The following ABLIM2 variants were observed in gnomAD, a reference collection of about 807,000 sequenced individuals.
ABLIM2 encodes the protein actin-binding LIM protein 2.
ABLIM2 carries 53 observed loss-of-function variants against 97.7 expected under a neutral mutation model. The ratio of observed to expected loss-of-function variants is 0.54; its 90% CI spans 0.44 to 0.68. The LOEUF is 0.68. ABLIM2 is among the 30% of genes least tolerant of loss of function. ABLIM2 has a pLI of 0.00. For missense variants in ABLIM2, 835 were observed against 867.2 expected (o/e 0.96, Z 0.47); for synonymous variants, 361 against 345.8 (o/e 1.04, Z -0.49).
At position 8,061,130 on chromosome 4, in the gene ABLIM2, T is replaced by C. The variant is rs1802739901; in HGVS notation, c.676-76A>G. On this transcript the variant is annotated intron_variant, in intron 6 of 20. Transcript: ENST00000447017. The surrounding 1 kb of genome is among the most constrained non-coding windows in gnomAD (Gnocchi z 4.5). ...GCTGGGTCCCAGCGCCCGGCATGGA[T>C]ACAGCATGCCCTGAGCACAGGTACT... The C allele has an allele frequency of 7.9e-7, 1 of 1,267,214 alleles. No individual in the cohort carries two copies. Among genetic ancestry groups the C allele is most frequent in the African/African-American group, 1.5e-5 (1 of 67,388 alleles). 78.5% of individuals were successfully genotyped at this position (1,267,214 alleles called of 1,614,324 possible). A position where few individuals can be genotyped will look rare whatever the true frequency, so the allele number is the denominator to read the frequency against.
At chr4:8,101,288 G>C (rs1834463125) in intron 2 of ABLIM2, among the ~76,000 whole-genome samples, 1 of 152,242 alleles carries the variant, frequency 6.6e-6, no homozygotes, top group African/African-American at 2.4e-5. Flanking sequence ...CGTCATCTGA[G>C]ATTCCTCCTG....
At chr4:8,045,925 C>A (rs891675675) in intron 8 of ABLIM2, among the ~76,000 whole-genome samples, 3 of 152,096 alleles carry the variant, frequency 2.0e-5, no homozygotes, top group Admixed American at 6.5e-5. Flanking sequence ...CCCTGAAGAC[C>A]CTCTCTAGCT....
chr4:8,127,580 G>C lies in ABLIM2; in HGVS notation c.11-20943C>G. The C allele has an allele frequency of 7.8e-7, 1 of 1,289,780 alleles. No homozygotes were observed. The highest frequency in any genetic ancestry group is 1.0e-6 in the Non-Finnish European group (1 of 988,830). 79.9% of individuals were successfully genotyped at this position (1,289,780 alleles called of 1,614,324 possible). A position where few individuals can be genotyped will look rare whatever the true frequency, so the allele number is the denominator to read the frequency against. ...CCCCCTGGCACCCCCATGGAGCGTG[G>C]CTGCTTGCAAAGGGCCAGCGGGTCG... is the stretch of plus-strand genomic sequence containing the variant. On this transcript the variant is annotated intron_variant, in intron 1 of 20. Transcript: ENST00000447017. The surrounding 1 kb of genome is among the most constrained non-coding windows in gnomAD (Gnocchi z 7.3).
At position 8,130,078 on chromosome 4, in the gene ABLIM2, C is replaced by A. The variant is rs555155831; in HGVS notation, c.11-23441G>T. Among the ~76,000 whole-genome samples, 160 of 152,346 alleles carry A rather than the reference C, an allele frequency of 1.1e-3. No individual in the cohort carries two copies. The highest frequency in any genetic ancestry group is 3.5e-3 in the African/African-American group (147 of 41,590). On this transcript the variant is annotated intron_variant, in intron 1 of 20. Coordinates refer to ENST00000447017, the MANE Select transcript of ABLIM2 (RefSeq NM_001130083.2). This position sits in a 1 kb window ranked among gnomAD's most constrained non-coding sequence, Gnocchi z 4.2. Reference sequence around the variant, plus strand: ...AGCCTCAGATTCCCCTGGCCTCCAGCCTGCTGTTCACCCCTAAGCATCTAG... The same window carrying A: ...AGCCTCAGATTCCCCTGGCCTCCAGACTGCTGTTCACCCCTAAGCATCTAG...
rs960777266 is a variant in ABLIM2, at chr4:8,058,179, G to T, written c.763+2788C>A. Among the ~76,000 whole-genome samples the T allele has an allele frequency of 6.6e-6, 1 of 152,250 alleles. No homozygotes were observed. The highest frequency in any genetic ancestry group is 1.5e-5 in the Non-Finnish European group (1 of 68,026). ...TGCTCAGTGTCCACCGTGCCCCACT[G>T]TCTAAGGGTGCCCTTTACTGTGGGG... On this transcript the variant is annotated intron_variant, in intron 7 of 20. Transcript: ENST00000447017. This position sits in a 1 kb window ranked among gnomAD's most constrained non-coding sequence, Gnocchi z 4.2.
chr4:8,084,235 G>A (rs1311991307), intron 4 of ABLIM2, among the ~76,000 whole-genome samples: 2 of 152,202 alleles, frequency 1.3e-5, no homozygotes, highest in Admixed American at 6.5e-5. Flanking sequence ...AGCGCACTGC[G>A]GTCAGGACTA....
At chr4:8,040,860 G>A (rs947257636) in intron 9 of ABLIM2, among the ~76,000 whole-genome samples, 10 of 152,298 alleles carry the variant, frequency 6.6e-5, no homozygotes, top group African/African-American at 2.4e-4. Context: ...AGAATTGGGA[G>A]CACGTGTCCT....
intron 1 of ABLIM2, among the ~76,000 whole-genome samples, chr4:8,110,002 G>A (rs1327801453): frequency 6.6e-6 from 1 of 152,250 alleles, no homozygotes; most frequent in Non-Finnish European, 1.5e-5. Flanking sequence ...GGTACAGCAG[G>A]TGAAGGCTTT....
chr4:8,028,305 G>A (rs898686865), intron 11 of ABLIM2, among the ~76,000 whole-genome samples: 1 of 152,204 alleles, frequency 6.6e-6, no homozygotes, highest in African/African-American at 2.4e-5. Flanking sequence ...CTTGTGCTAT[G>A]GGGATTGAGC....
In ABLIM2 at chr4:8,030,142, G is replaced by A. The variant is rs550958033; in HGVS notation, c.1048-366C>T. Among the ~76,000 whole-genome samples the A allele has an allele frequency of 5.9e-5, 9 of 152,256 alleles. No homozygotes were observed. The East Asian group carries it at 1.4e-3, about 23-fold the overall frequency. On this transcript the variant is annotated intron_variant, in intron 10 of 20. Transcript: ENST00000447017. ...TCTTAGAACACAGTGTGAGAACCACGGAGACTCCCCCAGTCCCTATGGGGG... is the reference window on the plus strand; with the variant it reads ...TCTTAGAACACAGTGTGAGAACCACAGAGACTCCCCCAGTCCCTATGGGGG...
At chr4:8,053,870 C>T (rs1410488495) in intron 8 of ABLIM2, among the ~76,000 whole-genome samples, 1 of 152,178 alleles carries the variant, frequency 6.6e-6, no homozygotes, top group African/African-American at 2.4e-5. Flanking sequence ...GGACGGCTCT[C>T]ATCAGATGCC....
intron 3 of ABLIM2, among the ~76,000 whole-genome samples, chr4:8,094,505 G>A (rs774795508): frequency 5.9e-5 from 9 of 152,184 alleles, no homozygotes; most frequent in African/African-American, 1.7e-4. Flanking sequence ...CAGGGTATAC[G>A]TGACTGGGGG....
chr4:8,083,330 C>T lies in ABLIM2; in HGVS notation c.455-2528G>A, dbSNP rs1171097672. On this transcript the variant is annotated intron_variant, in intron 4 of 20. Coordinates refer to ENST00000447017, the MANE Select transcript of ABLIM2 (RefSeq NM_001130083.2). This position sits in a 1 kb window ranked among gnomAD's most constrained non-coding sequence, Gnocchi z 4.6. ...GGCACGTGTGATCCGTGAATAAATGCACACACGTTGACCGGTGAGGTGGGC... is the reference window on the plus strand; with the variant it reads ...GGCACGTGTGATCCGTGAATAAATGTACACACGTTGACCGGTGAGGTGGGC... 6.6e-6 allele frequency among the ~76,000 whole-genome samples: 1 copy of T among 152,218 alleles called. No homozygotes were observed. The highest frequency in any genetic ancestry group is 1.5e-5 in the Non-Finnish European group (1 of 68,032).
At chr4:8,029,605 A>AG in intron 11 of ABLIM2, 51 bp downstream of exon 11, 1 of 1,336,436 alleles carries the variant, frequency 7.5e-7, no homozygotes, top group Non-Finnish European at 9.7e-7. Context: ...AAAAAAAAAA[A>AG]AGGAAAAGGA....
At chr4:7,971,761 C>A (rs1446753786) in intron 20 of ABLIM2, among the ~76,000 whole-genome samples, 1 of 152,132 alleles carries the variant, frequency 6.6e-6, no homozygotes, top group Non-Finnish European at 1.5e-5. Context: ...GTACTCCCAG[C>A]TTCCCTGACC....
intron 14 of ABLIM2, among the ~76,000 whole-genome samples, chr4:8,009,757 T>C (rs1296502419): frequency 6.6e-6 from 1 of 152,190 alleles, no homozygotes; most frequent in Non-Finnish European, 1.5e-5. Context: ...GTCTCAGTCG[T>C]GGAGGCCTAC....
chr4:7,976,332 T>C (rs539628697), intron 20 of ABLIM2, among the ~76,000 whole-genome samples: 1 of 152,276 alleles, frequency 6.6e-6, no homozygotes, highest in East Asian at 1.9e-4. Flanking sequence ...CCACAAACAG[T>C]GTCCAAGATG....
At chr4:8,153,615 G>A (rs966911222) in intron 1 of ABLIM2, among the ~76,000 whole-genome samples, 3 of 152,212 alleles carry the variant, frequency 2.0e-5, no homozygotes, top group Admixed American at 6.5e-5. Flanking sequence ...CTCCCTCGAT[G>A]CTGGGAGACA....
intron 2 of ABLIM2, among the ~76,000 whole-genome samples, chr4:8,099,883 C>G (rs575808367): frequency 3.1e-4 from 47 of 152,210 alleles, no homozygotes; most frequent in Non-Finnish European, 5.7e-4. Flanking sequence ...AAACCCCAGG[C>G]CTCTGTGTGC....
Sources: gnomAD v4.1 joint callset for allele counts (sites outside exome capture counted in the v4.1 genomes callset) on GRCh38, gnomAD v4.1.1 for gene constraint, Gnocchi (gnomAD v3.1) non-coding constraint, MANE v1.5 for transcripts, NCBI Gene and HGNC (gene_info 2026-07-23, HGNC 2026-07-21) for gene names.